B3GALT1: variants seen among roughly 807,000 people sequenced by gnomAD.
B3GALT1 encodes beta-1,3-galactosyltransferase 1, also known as UDP-Gal:betaGlcNAc beta 1,3-galactosyltransferase, polypeptide 1.
B3GALT1 carries 10 observed loss-of-function variants against 23.2 expected under a neutral mutation model. The ratio of observed to expected loss-of-function variants is 0.43; its 90% confidence interval spans 0.27 to 0.73. The LOEUF (loss-of-function observed/expected upper bound fraction) is 0.73, where lower values mean the gene tolerates loss of function less well. B3GALT1 is among the 30% of genes least tolerant of loss of function. B3GALT1 has a pLI of 0.21. For synonymous variants in B3GALT1, 156 were observed against 141.5 expected, an observed-to-expected ratio of 1.10 and a Z score of -0.73; for missense variants, 299 against 405.4, an observed-to-expected ratio of 0.74 and a Z score of 2.25.
intron 3 of B3GALT1, chr2:167,715,161 C>A (rs1424015163): frequency 1.3e-5 from 21 of 1,613,766 alleles, no homozygotes; most frequent in Non-Finnish European, 1.7e-5. Flanking sequence ...AAGTAAGCAC[C>A]ATTTTCCGAT....
chr2:167,793,210 A>G (rs1238851794), intron 3 of B3GALT1, among the ~76,000 whole-genome samples: 1 of 152,084 alleles, frequency 6.6e-6, no homozygotes, highest in African/African-American at 2.4e-5. Flanking sequence ...CACAGTTCCA[A>G]GCATCAACAC....
rs555868656 is a variant in B3GALT1, at chr2:167,725,183, A to G, written c.-352+78217A>G. 2.0e-5 allele frequency among the ~76,000 whole-genome samples: 3 copies of G among 152,244 alleles called. No homozygotes were observed. In the East Asian group the frequency reaches 5.8e-4, roughly 29 times the overall value. ...AACTTATAAAACCCTAATGTCTGTC[A>G]TCTAGAAGCCTCAAAACTTGGAGGA... On this transcript the variant is annotated intron_variant, in intron 3 of 4. Transcript: ENST00000392690.
chr2:167,864,391 C>T (rs140679554), intron 4 of B3GALT1, among the ~76,000 whole-genome samples: 26 of 152,232 alleles, frequency 1.7e-4, no homozygotes, highest in African/African-American at 5.5e-4. Flanking sequence ...CTTGTCTCTA[C>T]TAAAAATAGA....
intron 2 of B3GALT1, among the ~76,000 whole-genome samples, chr2:167,598,151 A>G (rs1035573819): frequency 1.4e-4 from 22 of 152,180 alleles, no homozygotes; most frequent in African/African-American, 5.1e-4. Flanking sequence ...GAAAGGTGGA[A>G]CTACATTTAT....
At chr2:167,337,866 T>C (rs956138713) in intron 1 of B3GALT1, among the ~76,000 whole-genome samples, 34 of 152,160 alleles carry the variant, frequency 2.2e-4, no homozygotes, top group African/African-American at 8.2e-4. Context: ...TTATAAAGAA[T>C]AATCAATATT....
chr2:167,545,618 A>T (rs1265507160), intron 2 of B3GALT1, among the ~76,000 whole-genome samples: 1 of 152,148 alleles, frequency 6.6e-6, no homozygotes, highest in Non-Finnish European at 1.5e-5. Flanking sequence ...TCAATGGCAC[A>T]GTCCTGTACA....
chr2:167,442,436 T>C (rs986252421), intron 1 of B3GALT1, among the ~76,000 whole-genome samples: 60 of 152,170 alleles, frequency 3.9e-4, no homozygotes, highest in African/African-American at 1.4e-3. Context: ...TAGTTCTAGA[T>C]CCCTGAGGAA....
chr2:167,775,467 G>A (rs1279515939), intron 3 of B3GALT1, among the ~76,000 whole-genome samples: 1 of 151,778 alleles, frequency 6.6e-6, no homozygotes, highest in African/African-American at 2.4e-5. Flanking sequence ...TATTCGGGAG[G>A]CTGAGGCAGG....
intron 2 of B3GALT1, among the ~76,000 whole-genome samples, chr2:167,629,110 A>C (rs1685395504): frequency 6.6e-6 from 1 of 151,694 alleles, no homozygotes; most frequent in African/African-American, 2.4e-5. Flanking sequence ...AGAGGTATGT[A>C]ATGATTCCTT....
intron 4 of B3GALT1, among the ~76,000 whole-genome samples, chr2:167,845,895 TTAAACAAAAAA>T (rs1689748764): frequency 6.6e-6 from 1 of 151,480 alleles, no homozygotes. Context: ...AGGAAATAGC[TTAAACAAAAAA>T]ACAAAAAACA....
intron 2 of B3GALT1, among the ~76,000 whole-genome samples, chr2:167,618,396 A>T (rs1212936153): frequency 2.0e-5 from 3 of 152,056 alleles, no homozygotes; most frequent in African/African-American, 7.2e-5. Flanking sequence ...TATATTAGAT[A>T]TGTGTATGTA....
At chr2:167,575,939 TCA>T (rs2105403451) in intron 2 of B3GALT1, among the ~76,000 whole-genome samples, 1 of 151,956 alleles carries the variant, frequency 6.6e-6, no homozygotes, top group African/African-American at 2.4e-5. Flanking sequence ...TCTCTTTGTT[TCA>T]CAGTTTTGCC....
At chr2:167,307,769 C>T (rs765012084) in intron 1 of B3GALT1, among the ~76,000 whole-genome samples, 48 of 151,968 alleles carry the variant, frequency 3.2e-4, no homozygotes, top group Admixed American at 2.6e-4. Context: ...TTCCCTTTTC[C>T]TGTTCAAATT....
chr2:167,381,061 G>C (rs759551779), intron 1 of B3GALT1, among the ~76,000 whole-genome samples: 22 of 152,028 alleles, frequency 1.4e-4, no homozygotes, highest in Middle Eastern at 6.8e-3. Flanking sequence ...AACACTTCTG[G>C]GTTTTTTTTA....
chr2:167,723,012 C>T (rs900298200), intron 3 of B3GALT1, among the ~76,000 whole-genome samples: 5 of 152,172 alleles, frequency 3.3e-5, no homozygotes, highest in African/African-American at 1.2e-4. Context: ...TCCTGAAATA[C>T]TATAATTTTC....
chr2:167,445,119 T>C (rs760083109), intron 1 of B3GALT1, among the ~76,000 whole-genome samples: 12 of 152,266 alleles, frequency 7.9e-5, no homozygotes, highest in African/African-American at 2.4e-4. Flanking sequence ...CATTTCGTTA[T>C]GTACCCAGTG....
intron 1 of B3GALT1, among the ~76,000 whole-genome samples, chr2:167,350,308 A>G (rs1037407651): frequency 2.0e-5 from 3 of 152,210 alleles, no homozygotes; most frequent in Admixed American, 6.5e-5. Context: ...CCTGTGTGTT[A>G]CTGAGAGGAT....
intron 4 of B3GALT1, among the ~76,000 whole-genome samples, chr2:167,836,649 A>C (rs1574291284): frequency 6.6e-6 from 1 of 152,332 alleles, no homozygotes; most frequent in East Asian, 1.9e-4. Context: ...AAGGCAGGCC[A>C]ACATTCAGAT....
rs186058776 is a variant in B3GALT1 at position 167,870,897 on chromosome 2, G to C, written c.*877G>C. Reference sequence around the variant, plus strand: ...GAAAATAAGTTGGTTGGAGGCCAGAGAACAATAAATCACATTGAGAAAATA... The same window carrying C: ...GAAAATAAGTTGGTTGGAGGCCAGACAACAATAAATCACATTGAGAAAATA... On this transcript the variant is annotated 3_prime_UTR_variant, in exon 5 of 5. Coordinates refer to ENST00000392690, the MANE Select transcript of B3GALT1 (RefSeq NM_020981.4). The C allele has an allele frequency of 6.0e-6, 1 of 166,968 alleles. No individual in the cohort carries two copies. The highest frequency in any genetic ancestry group is 1.9e-4 in the East Asian group (1 of 5,184). 10.3% of individuals were successfully genotyped at this position (166,968 alleles called of 1,614,324 possible). A position where few individuals can be genotyped will look rare whatever the true frequency, so the allele number is the denominator to read the frequency against.
Sources: gnomAD v4.1 joint callset for allele counts (sites outside exome capture counted in the v4.1 genomes callset) on GRCh38, gnomAD v4.1.1 for gene constraint, MANE v1.5 for transcripts, NCBI Gene and HGNC (gene_info 2026-07-23, HGNC 2026-07-21) for gene names.